The following PKD1 variants were observed in gnomAD, a reference collection of about 807,000 sequenced individuals.
PKD1 encodes the protein polycystin 1, transient receptor potential channel interacting, also known as polycystin-1.
PKD1 carries 81 observed loss-of-function variants against 361.7 expected under a neutral mutation model. That is an observed-to-expected ratio of 0.22 (90% CI 0.19 to 0.27). The LOEUF is 0.27. Ranked by LOEUF, PKD1 falls within the 10% of genes least tolerant of loss-of-function variation. The pLI is 1.00. For missense variants in PKD1, 6,399 were observed against 6,118.3 expected (o/e 1.05, Z -1.53); for synonymous variants, 3,615 against 2,818.3 (o/e 1.28, Z -8.95).
chr16:2,111,371 G>T lies in PKD1; in HGVS notation c.3796C>A (p.Arg1266=), dbSNP rs376754657. 40 of 1,610,852 alleles carry T rather than the reference G, an allele frequency of 2.5e-5. No homozygotes were observed. The highest frequency in any genetic ancestry group is 1.7e-4 in the Middle Eastern group (1 of 6,010). The part of the protein sequence containing the change: ...PEATVEHVYL[R]AQNCTVTVGA... ...ACGGTCACTGTGCAGTTCTGTGCCC[G>T]CAGGTACACATGCTCCACTGTTGCC... The change falls in exon 15 of 46, where the codon CGG becomes AGG. Residue 1266 remains arginine, a synonymous_variant. Coordinates refer to ENST00000262304, the MANE Select transcript of PKD1 (RefSeq NM_001009944.3).
At position 2,102,561 on chromosome 16, in the gene PKD1, G is replaced by T. The variant is rs754728281; in HGVS notation, c.9021C>A (p.Ser3007=). ...SHFRWSALQV[S]VGLYTSLCQY... is the part of the protein sequence containing the mutation. ...GGCACAGGGACGTGTACAGGCCCAC[G>T]GACACCTGCAGCGCCGACCAGCGGA... is the stretch of plus-strand genomic sequence containing the variant. The change falls in exon 25 of 46, where the codon TCC becomes TCA. Residue 3007 remains serine, a synonymous_variant. Coordinates refer to ENST00000262304, the MANE Select transcript of PKD1 (RefSeq NM_001009944.3). 6.2e-7 allele frequency: 1 copy of T among 1,610,852 alleles called. No homozygotes were observed. The highest frequency in any genetic ancestry group is 1.3e-5 in the African/African-American group (1 of 74,868).
chr16:2,119,540 A>C (rs1157183790), intron 1 of PKD1, 162 bp from the exon 2 acceptor site: 1 of 689,858 alleles, frequency 1.4e-6, no homozygotes, highest in Non-Finnish European at 2.6e-6. Context: ...GGAAGACCCA[A>C]ATGAACACTC....
Position 2,093,643 on chromosome 16 carries a change from C to A in PKD1, c.10917G>T (p.Val3639=), listed in dbSNP as rs376733613. 2.6e-5 allele frequency: 42 copies of A among 1,608,736 alleles called. No homozygotes were observed. Among genetic ancestry groups the A allele is most frequent in the African/African-American group, 4.0e-5 (3 of 74,860 alleles). ...TLVESPAVTP[V]SARVPRVRPP... The stretch of plus-strand genomic sequence containing the variant: ...GCCGTACGCGGGGCACACGTGCGCT[C>A]ACAGGCGTCACAGCCGGGCTCTCTA... The change falls in exon 37 of 46, where the codon GTG becomes GTT. Residue 3639 remains valine (V), a synonymous_variant. Coordinates refer to ENST00000262304, the MANE Select transcript of PKD1 (RefSeq NM_001009944.3).
rs2092482209 is a variant in PKD1 at position 2,110,814 on chromosome 16, G to A, written c.4353C>T (p.Ile1451=). 4 of 1,611,656 alleles carry A rather than the reference G, an allele frequency of 2.5e-6. No homozygotes were observed. The highest frequency in any genetic ancestry group is 1.1e-5 in the South Asian group (1 of 91,032). ...YLVTVTASNN[I]SAANDSALVE... Reference sequence around the variant, plus strand: ...CCAGGGCTGAGTCATTGGCAGCAGAGATGTTGTTGGACGCGGTGACTGTCA... The same window carrying A: ...CCAGGGCTGAGTCATTGGCAGCAGAAATGTTGTTGGACGCGGTGACTGTCA... Residue 1451 remains isoleucine (I), a synonymous_variant, in exon 15 of 46, where the codon ATC becomes ATT. Coordinates refer to ENST00000262304, the MANE Select transcript of PKD1 (RefSeq NM_001009944.3).
At chr16:2,135,278 C>A in intron 1 of PKD1, 197 bp downstream of exon 1, 2 of 985,218 alleles carry the variant, frequency 2.0e-6, no homozygotes, top group South Asian at 4.7e-5. Flanking sequence ...TCTCCAGACC[C>A]GGGGTTTTTC....
At position 2,106,073 on chromosome 16, in the gene PKD1, T is replaced by C. The variant is rs1490098777; in HGVS notation, c.7703+18A>G. 5.0e-6 allele frequency: 8 copies of C among 1,599,676 alleles called. No individual in the cohort carries two copies. The highest frequency in any genetic ancestry group is 6.8e-6 in the Non-Finnish European group (8 of 1,174,530). ...GCAGGTGGCAGTCTCGGGGGCGCCCTCCCACGGCCTGGCTCACCTGTTGAG... is the reference window on the plus strand; with the variant it reads ...GCAGGTGGCAGTCTCGGGGGCGCCCCCCCACGGCCTGGCTCACCTGTTGAG... On this transcript the variant is annotated intron_variant, in intron 19 of 45. Transcript: ENST00000262304. The surrounding 1 kb of genome is among the most constrained non-coding windows in gnomAD (Gnocchi z 6.5).
chr16:2,117,760 G>A lies in PKD1; in HGVS notation c.1201+31C>T, dbSNP rs2092664133. ...CTCTGCCCCATCTGGATGGCCCTGG[G>A]GAGGAAGGGGAGTGGGCAGCAGACA... On this transcript the variant is annotated intron_variant, in intron 5 of 45. Coordinates refer to ENST00000262304, the MANE Select transcript of PKD1 (RefSeq NM_001009944.3). 5 of 1,084,342 alleles carry A rather than the reference G, an allele frequency of 4.6e-6. No homozygotes were observed. The African/African-American group carries it at 4.7e-5, about 10-fold the overall frequency. The allele number at this position is 1,084,342 out of a possible 1,614,324, so 67.2% of individuals were successfully genotyped here. A position where few individuals can be genotyped will look rare whatever the true frequency, so the allele number is the denominator to read the frequency against.
Position 2,116,939 on chromosome 16 carries a change from T to C in PKD1, c.1500A>G (p.Pro500=), listed in dbSNP as rs1264154919. 1 of 1,514,954 alleles carries C rather than the reference T, an allele frequency of 6.6e-7. No individual in the cohort carries two copies. Among genetic ancestry groups the C allele is most frequent in the Non-Finnish European group, 8.9e-7 (1 of 1,125,480 alleles). The allele number at this position is 1,514,954 out of a possible 1,614,324, so 93.8% of individuals were successfully genotyped here. A position where few individuals can be genotyped will look rare whatever the true frequency, so the allele number is the denominator to read the frequency against. ...CGCAGTGCTCGGCTGTGGCTGGGTG[T>C]GGCTCCCCGGGCAGCCAGTTCTGGC... ...ESCQNWLPGE[P]HPATAEHCVR... The change falls in exon 7 of 46, where the codon CCA becomes CCG. Residue 500 remains proline (P), a synonymous_variant. Transcript: ENST00000262304.
At position 2,100,796 on chromosome 16, in the gene PKD1, A is replaced by G; in HGVS notation, c.9398-230T>C. The G allele has an allele frequency of 1.7e-6, 1 of 575,376 alleles. No individual in the cohort carries two copies. Among genetic ancestry groups the G allele is most frequent in the Non-Finnish European group, 3.1e-6 (1 of 319,740 alleles). The allele number at this position is 575,376 out of a possible 1,614,324, so 35.6% of individuals were successfully genotyped here. A position where few individuals can be genotyped will look rare whatever the true frequency, so the allele number is the denominator to read the frequency against. ...TACATGGAAAGAACTGTAACTTGTG[A>G]CATGCAAACATGGCTGCACACGCCT... is the stretch of plus-strand genomic sequence containing the variant. On this transcript the variant is annotated intron_variant, in intron 26 of 45. Transcript: ENST00000262304. The surrounding 1 kb of genome is among the most constrained non-coding windows in gnomAD (Gnocchi z 4.4).
At chr16:2,099,480 C>T in intron 30 of PKD1, 164 bp downstream of exon 30, 1 of 710,202 alleles carries the variant, frequency 1.4e-6, no homozygotes, top group Non-Finnish European at 2.5e-6. Flanking sequence ...CTCTTTCTCC[C>T]TGGTCAGTCT....
intron 21 of PKD1, among the ~76,000 whole-genome samples, chr16:2,104,905 G>C (rs1392587418): frequency 1.4e-5 from 1 of 69,752 alleles, no homozygotes; most frequent in African/African-American, 6.5e-5. Context: ...GGAGAGAGGA[G>C]AGGGGAGTGG....
intron 1 of PKD1, among the ~76,000 whole-genome samples, chr16:2,132,366 G>A (rs1385680519): frequency 4.6e-5 from 7 of 151,482 alleles, no homozygotes; most frequent in Admixed American, 2.6e-4. Flanking sequence ...TCAGGAGATC[G>A]AGACCATCCT....
At chr16:2,122,140 C>T (rs1360605814) in intron 1 of PKD1, among the ~76,000 whole-genome samples, 2 of 152,242 alleles carry the variant, frequency 1.3e-5, no homozygotes, top group Non-Finnish European at 1.5e-5. Context: ...ACAGAGCAGC[C>T]GAGGCCTTCT....
rs759171590 is a variant in PKD1, at chr16:2,106,930, G to T, written c.7084C>A (p.Arg2362=). 1.3e-6 allele frequency: 2 copies of T among 1,581,006 alleles called. No homozygotes were observed. Among genetic ancestry groups the T allele is most frequent in the African/African-American group, 2.8e-5 (2 of 72,702 alleles). ...CACTCCAAGGACACAATGGGCACCCGGCCACTCCGGATCAGCACCTGGCGT... is the reference window on the plus strand; with the variant it reads ...CACTCCAAGGACACAATGGGCACCCTGCCACTCCGGATCAGCACCTGGCGT... ...TNQTVLIRSG[R]VPIVSLECVS... Residue 2362 remains arginine (R), a synonymous_variant, in exon 17 of 46, where the codon CGG becomes AGG. Coordinates refer to ENST00000262304, the MANE Select transcript of PKD1 (RefSeq NM_001009944.3). This position sits in a 1 kb window ranked among gnomAD's most constrained non-coding sequence, Gnocchi z 6.5.
chr16:2,089,691 T>TC lies in PKD1; in HGVS notation c.*35dup, dbSNP rs1438408130. On this transcript the variant is annotated 3_prime_UTR_variant, in exon 46 of 46. Transcript: ENST00000262304. ...GAAAGTAATACTGAGCGGTGTCCAC[T>TC]CCGACTCCACGGCCCACCCCCGCCA... 8 of 1,552,562 alleles carry TC rather than the reference T, an allele frequency of 5.2e-6. No homozygotes were observed. The highest frequency in any genetic ancestry group is 1.2e-5 in the South Asian group (1 of 84,382).
chr16:2,125,348 G>A (rs116269003), intron 1 of PKD1, among the ~76,000 whole-genome samples: 6,646 of 152,284 alleles, frequency 0.044, 520 homozygotes, highest in African/African-American at 0.15. Flanking sequence ...GGACGAGGCT[G>A]CCAGGCCCCA....
chr16:2,090,927 G>A lies in PKD1; in HGVS notation c.11960C>T (p.Ala3987Val). Residue 3987 changes from alanine (A) to valine (V), a missense_variant, in exon 43 of 46, where the codon GCC (alanine) becomes GTC (valine). Physicochemically the swap from Ala to Val is moderately conservative, Grantham distance 64. Transcript: ENST00000262304. ...GAGCAGCGAGGCCGCCAGGCCACGGGCTGCGGAGCTCAGCTGCGCCACCTG... is the reference window on the plus strand; with the variant it reads ...GAGCAGCGAGGCCGCCAGGCCACGGACTGCGGAGCTCAGCTGCGCCACCTG... Reference protein sequence around the residue: ...FDQVAQLSSAARGLAASLLFL... With the variant: ...FDQVAQLSSAVRGLAASLLFL... The A allele has an allele frequency of 1.9e-6, 3 of 1,581,538 alleles. No homozygotes were observed. Among genetic ancestry groups the A allele is most frequent in the South Asian group, 1.1e-5 (1 of 89,080 alleles).
In PKD1 at chr16:2,111,485, G is replaced by A. The variant is rs2092503742; in HGVS notation, c.3682C>T (p.Pro1228Ser). ...DMSLAVEQGA[P>S]VVVSAAVQTG... is the part of the protein sequence containing the mutation. ...TGCACCGCGGCGCTGACCACCACGGGGGCGCCCTGCTCCACGGCCAGGCTC... is the reference window on the plus strand; with the variant it reads ...TGCACCGCGGCGCTGACCACCACGGAGGCGCCCTGCTCCACGGCCAGGCTC... Residue 1228 changes from proline to serine, a missense_variant, in exon 15 of 46, where the codon CCC becomes TCC. Coordinates refer to ENST00000262304, the MANE Select transcript of PKD1 (RefSeq NM_001009944.3). 1 of 1,611,332 alleles carries A rather than the reference G, an allele frequency of 6.2e-7. No individual in the cohort carries two copies. The highest frequency in any genetic ancestry group is 8.5e-7 in the Non-Finnish European group (1 of 1,179,396).
chr16:2,105,800 G>A lies in PKD1; in HGVS notation c.7863+65C>T, dbSNP rs1045158938. 6.6e-6 allele frequency: 10 copies of A among 1,507,430 alleles called. No homozygotes were observed. In the African/African-American group the frequency reaches 1.1e-4, roughly 17 times the overall value. 93.4% of individuals were successfully genotyped at this position (1,507,430 alleles called of 1,614,324 possible). On this transcript the variant is annotated intron_variant, in intron 20 of 45. Transcript: ENST00000262304. ...AGCCCTCTGCAAAGCTCCAGGCAGG[G>A]GTACAGGTCTTGGTCCCAAGCACGC...
Sources: gnomAD v4.1 joint callset for allele counts (sites outside exome capture counted in the v4.1 genomes callset) on GRCh38, gnomAD v4.1.1 for gene constraint, Gnocchi (gnomAD v3.1) non-coding constraint, MANE v1.5 for transcripts, NCBI Gene and HGNC (gene_info 2026-07-23, HGNC 2026-07-21) for gene names.